NRCAM: variants seen among roughly 807,000 people sequenced by gnomAD.
NRCAM encodes the protein neuronal cell adhesion molecule, also known as NgCAM-related cell adhesion molecule.
A neutral mutation model predicts 156.5 loss-of-function variants in NRCAM; 83 were observed. The observed-to-expected ratio is 0.53, with a 90% CI of 0.44 to 0.64. The LOEUF (loss-of-function observed/expected upper bound fraction) is 0.64. Among genes scored for constraint, NRCAM ranks in the 30% least tolerant of loss-of-function variants. The pLI is 0.00. For synonymous variants in NRCAM, 538 were observed against 563.9 expected, an observed-to-expected ratio of 0.95 and a Z score of 0.65; for missense variants, 1,417 against 1,597.3, an observed-to-expected ratio of 0.89 and a Z score of 1.92.
At position 108,355,660 on chromosome 7, in the gene NRCAM, C is replaced by A. The variant is rs539689377; in HGVS notation, c.-173-42929G>T. ...TGCTGACCTGCACCATCTCACCTGG[C>A]AAATGAGTCTTCCCTTTGTCCACTG... On this transcript the variant is annotated intron_variant, in intron 2 of 32. Coordinates refer to ENST00000379028, the MANE Select transcript of NRCAM (RefSeq NM_001037132.4). Among the ~76,000 whole-genome samples the A allele has an allele frequency of 4.6e-5, 7 of 152,334 alleles. No individual in the cohort carries two copies. In the South Asian group the frequency reaches 1.5e-3, roughly 32 times the overall value.
intron 19 of NRCAM, among the ~76,000 whole-genome samples, 169 bp from the exon 20 acceptor site, chr7:108,189,915 C>G (rs779623218): frequency 2.6e-5 from 4 of 152,136 alleles, no homozygotes; most frequent in Non-Finnish European, 5.9e-5. Flanking sequence ...TGGGAACACA[C>G]GAACACACAC....
chr7:108,388,124 G>T lies in NRCAM; in HGVS notation c.-174+11312C>A, dbSNP rs972476630. Among the ~76,000 whole-genome samples the T allele has an allele frequency of 5.3e-5, 8 of 152,176 alleles. 1 individual carries two copies. Among genetic ancestry groups the T allele is most frequent in the Admixed American group, 5.2e-4 (8 of 15,280 alleles). On this transcript the variant is annotated intron_variant, in intron 2 of 32. Coordinates refer to ENST00000379028, the MANE Select transcript of NRCAM (RefSeq NM_001037132.4). ...GCATTTCTAGTTCTAGATCCCTGAG[G>T]AATTGCCACACTGACTTCCACAATG... is the stretch of plus-strand genomic sequence containing the variant.
At chr7:108,217,902 T>G (rs915734577) in intron 11 of NRCAM, among the ~76,000 whole-genome samples, 4 of 152,144 alleles carry the variant, frequency 2.6e-5, no homozygotes, top group Non-Finnish European at 5.9e-5. Flanking sequence ...CTCCCTGGCT[T>G]CAGCTCCCTT....
intron 32 of NRCAM, among the ~76,000 whole-genome samples, chr7:108,151,937 G>A (rs1016401231): frequency 6.6e-6 from 1 of 152,038 alleles, no homozygotes; most frequent in African/African-American, 2.4e-5. Flanking sequence ...GTCATCTGTG[G>A]CATTTCTTTG....
intron 2 of NRCAM, among the ~76,000 whole-genome samples, chr7:108,316,833 G>C (rs1352147966): frequency 6.6e-6 from 1 of 151,916 alleles, no homozygotes; most frequent in East Asian, 1.9e-4. Context: ...TGCAGTCATG[G>C]CTAGCTGTCT....
chr7:108,229,717 G>T (rs1219084995), intron 8 of NRCAM, among the ~76,000 whole-genome samples: 1 of 152,072 alleles, frequency 6.6e-6, no homozygotes, highest in Non-Finnish European at 1.5e-5. Flanking sequence ...TCTTGCTGGT[G>T]TCTTGCCATG....
chr7:108,262,965 C>T (rs898471816), intron 3 of NRCAM, among the ~76,000 whole-genome samples: 6 of 152,176 alleles, frequency 3.9e-5, no homozygotes, highest in Non-Finnish European at 2.9e-5. Context: ...CAGAAGCTAC[C>T]ACGTGGAGAA....
chr7:108,285,359 C>T (rs190881635), intron 3 of NRCAM, among the ~76,000 whole-genome samples: 27 of 152,244 alleles, frequency 1.8e-4, no homozygotes, highest in Non-Finnish European at 4.4e-5. Flanking sequence ...TTCACAAATA[C>T]AGGTACTGGC....
At chr7:108,361,017 A>C (rs1196020847) in intron 2 of NRCAM, among the ~76,000 whole-genome samples, 1 of 152,204 alleles carries the variant, frequency 6.6e-6, no homozygotes, top group Non-Finnish European at 1.5e-5. Flanking sequence ...AAAGGACATC[A>C]TCATGAAAGT....
intron 2 of NRCAM, among the ~76,000 whole-genome samples, chr7:108,339,001 C>T (rs1594141348): frequency 6.6e-6 from 1 of 152,190 alleles, no homozygotes; most frequent in Non-Finnish European, 1.5e-5. Flanking sequence ...TCATTGTGAG[C>T]ACACCTCACC....
intron 3 of NRCAM, among the ~76,000 whole-genome samples, chr7:108,249,473 T>G (rs1018659896): frequency 6.6e-6 from 1 of 152,220 alleles, no homozygotes; most frequent in African/African-American, 2.4e-5. Context: ...CCTGGTGCAT[T>G]TAATTTTCTT....
intron 20 of NRCAM, among the ~76,000 whole-genome samples, chr7:108,186,160 A>G (rs764761282): frequency 2.0e-5 from 3 of 152,332 alleles, no homozygotes; most frequent in South Asian, 2.1e-4. Flanking sequence ...TAAAAATATT[A>G]TATGTCTTGC....
chr7:108,216,887 A>G (rs1588671018), intron 11 of NRCAM, among the ~76,000 whole-genome samples: 1 of 152,032 alleles, frequency 6.6e-6, no homozygotes, highest in Non-Finnish European at 1.5e-5. Flanking sequence ...GGAGTTTACT[A>G]TTACCCACCT....
rs368528701 is a variant in NRCAM at position 108,181,959 on chromosome 7, G to T, written c.2531-22C>A. 10 of 1,526,848 alleles carry T rather than the reference G, an allele frequency of 6.5e-6. No individual in the cohort carries two copies. The African/African-American group carries it at 1.1e-4, about 17-fold the overall frequency. 94.6% of individuals were successfully genotyped at this position (1,526,848 alleles called of 1,614,324 possible). On this transcript the variant is annotated intron_variant, in intron 23 of 32. Transcript: ENST00000379028. The stretch of plus-strand genomic sequence containing the variant: ...GGGACTAGGAAAAGGACAGGGAAGT[G>T]GTAGAAGTATCAATGTTATTTTTAA...
chr7:108,455,340 T>G lies in NRCAM; in HGVS notation c.-332+903A>C, dbSNP rs547572059. On this transcript the variant is annotated intron_variant, in intron 1 of 32. Coordinates refer to ENST00000379028, the MANE Select transcript of NRCAM (RefSeq NM_001037132.4). ...GGCGCTCGGCGCAGATGGCGCTCGC[T>G]GCGAGATGGATGCTCCAGGGCGGGT... is the stretch of plus-strand genomic sequence containing the variant. Among the ~76,000 whole-genome samples the G allele has an allele frequency of 1.1e-4, 17 of 152,272 alleles. No individual in the cohort carries two copies. In the South Asian group the frequency reaches 3.3e-3, roughly 30 times the overall value.
At chr7:108,329,739 G>T (rs1368199026) in intron 2 of NRCAM, among the ~76,000 whole-genome samples, 1 of 152,134 alleles carries the variant, frequency 6.6e-6, no homozygotes, top group African/African-American at 2.4e-5. Context: ...TATTGTCAGA[G>T]AGATCAACAA....
chr7:108,287,521 A>C (rs2098139085), intron 3 of NRCAM, among the ~76,000 whole-genome samples: 1 of 152,134 alleles, frequency 6.6e-6, no homozygotes, highest in Non-Finnish European at 1.5e-5. Flanking sequence ...TGGGGAAAGA[A>C]GACGAATAGA....
chr7:108,407,124 T>C (rs1002141886), intron 1 of NRCAM, among the ~76,000 whole-genome samples: 4 of 152,236 alleles, frequency 2.6e-5, no homozygotes, highest in Admixed American at 6.5e-5. Flanking sequence ...TTATTTTTCT[T>C]GTGTGTCTGT....
chr7:108,335,434 CTTTTTT>C (rs58975301), intron 2 of NRCAM, among the ~76,000 whole-genome samples: 29 of 69,878 alleles, frequency 4.2e-4, no homozygotes, highest in South Asian at 1.6e-3. Context: ...GTTCCACCTG[CTTTTTT>C]TTTTTTTTTT....
Sources: allele counts gnomAD v4.1 joint callset (sites outside exome capture counted in the v4.1 genomes callset), GRCh38; gene constraint gnomAD v4.1.1; transcripts MANE v1.5; gene names NCBI Gene and HGNC (gene_info 2026-07-23, HGNC 2026-07-21).